TBPL1: variants seen among roughly 807,000 people sequenced by gnomAD.
TBPL1 encodes TATA box-binding protein-like 1.
TBPL1 carries 4 observed loss-of-function variants against 22.1 expected under a neutral mutation model. That is an observed-to-expected ratio of 0.18 (90% CI 0.09 to 0.41). The LOEUF is 0.41. Ranked by LOEUF, TBPL1 falls within the 10% of genes least tolerant of loss-of-function variation. The probability of loss-of-function intolerance (pLI) is 1.00; values close to 1 mark genes in which losing one functional copy is unlikely to be tolerated. For missense variants in TBPL1, 115 were observed against 222.3 expected (o/e 0.52, Z 3.07); for synonymous variants, 64 against 71.0 (o/e 0.90, Z 0.50).
intron 1 of TBPL1, among the ~76,000 whole-genome samples, chr6:133,958,127 A>G (rs560086763): frequency 6.6e-6 from 1 of 152,360 alleles, no homozygotes; most frequent in Non-Finnish European, 1.5e-5. Context: ...TTTCTTGGAA[A>G]AGGAAGGCCG....
At chr6:133,954,529 T>C (rs1322868825) in intron 1 of TBPL1, among the ~76,000 whole-genome samples, 1 of 152,238 alleles carries the variant, frequency 6.6e-6, no homozygotes, top group African/African-American at 2.4e-5. Flanking sequence ...GTTACCTCTT[T>C]AGTCTTACAT....
At chr6:133,954,439 C>T (rs1365429076) in intron 1 of TBPL1, among the ~76,000 whole-genome samples, 1 of 152,204 alleles carries the variant, frequency 6.6e-6, no homozygotes, top group Non-Finnish European at 1.5e-5. Context: ...CAGTTCCTTC[C>T]TATTGAGAAG....
intron 1 of TBPL1, among the ~76,000 whole-genome samples, chr6:133,973,536 A>T (rs72982279): frequency 6.6e-6 from 1 of 152,198 alleles, no homozygotes; most frequent in South Asian, 2.1e-4. Flanking sequence ...TTTTAAATGC[A>T]GTAGTCTTTG....
At chr6:133,983,545 G>A (rs1304166797) in intron 4 of TBPL1, among the ~76,000 whole-genome samples, 3 of 152,162 alleles carry the variant, frequency 2.0e-5, no homozygotes, top group Non-Finnish European at 2.9e-5. Flanking sequence ...GAGACTGAAC[G>A]GCTGGTGGGG....
In TBPL1 at chr6:133,986,290, A is replaced by G. The variant is rs1026730313; in HGVS notation, c.482-671A>G. 3.3e-5 allele frequency among the ~76,000 whole-genome samples: 5 copies of G among 152,170 alleles called. No homozygotes were observed. The South Asian group carries it at 6.2e-4, about 19-fold the overall frequency. On this transcript the variant is annotated intron_variant, in intron 6 of 6. Coordinates refer to ENST00000237264, the MANE Select transcript of TBPL1 (RefSeq NM_004865.4). ...CATTTTTATTCAAAATTTTATGAGA[A>G]TAGTTTTCATTGTCCTTTTTTATGT... is the stretch of plus-strand genomic sequence containing the variant.
intron 2 of TBPL1, among the ~76,000 whole-genome samples, chr6:133,981,756 C>A (rs1399960072): frequency 6.6e-6 from 1 of 152,120 alleles, no homozygotes; most frequent in Admixed American, 6.5e-5. Context: ...TTATGTTAGT[C>A]AGTGAGCATT....
chr6:133,957,450 A>G (rs1193156354), intron 1 of TBPL1, among the ~76,000 whole-genome samples: 1 of 152,220 alleles, frequency 6.6e-6, no homozygotes. Context: ...TTGTTTTTTA[A>G]CTCACTAGGT....
intron 1 of TBPL1, among the ~76,000 whole-genome samples, 180 bp downstream of exon 1, chr6:133,953,605 G>A (rs1215180099): frequency 6.6e-6 from 1 of 152,140 alleles, no homozygotes; most frequent in Non-Finnish European, 1.5e-5. Context: ...CGGTCCGGTG[G>A]CCGAGGGAGG....
intron 2 of TBPL1, among the ~76,000 whole-genome samples, chr6:133,980,603 ATATAT>A (rs937427177): frequency 2.4e-4 from 36 of 151,696 alleles, no homozygotes; most frequent in Non-Finnish European, 3.8e-4. Flanking sequence ...ATGCCTTAAT[ATATAT>A]TATAATTTTT....
At chr6:133,977,041 T>C (rs894869957) in intron 1 of TBPL1, among the ~76,000 whole-genome samples, 2 of 152,144 alleles carry the variant, frequency 1.3e-5, no homozygotes, top group African/African-American at 2.4e-5. Context: ...ATTATCCTAT[T>C]GAAAAGGGAT....
chr6:133,970,490 T>C (rs1292017951), intron 1 of TBPL1, among the ~76,000 whole-genome samples: 1 of 152,210 alleles, frequency 6.6e-6, no homozygotes, highest in Non-Finnish European at 1.5e-5. Flanking sequence ...TATTATTAAA[T>C]AAAGTCCTAA....
intron 1 of TBPL1, among the ~76,000 whole-genome samples, chr6:133,975,133 C>T (rs1371855087): frequency 2.0e-5 from 3 of 151,960 alleles, no homozygotes. Flanking sequence ...GGATCAGCTA[C>T]TGATAGTTTG....
intron 6 of TBPL1, among the ~76,000 whole-genome samples, chr6:133,985,706 T>A (rs182813494): frequency 6.6e-6 from 1 of 152,302 alleles, no homozygotes; most frequent in Non-Finnish European, 1.5e-5. Flanking sequence ...CTTTGTTTTT[T>A]CTTTCTTCAA....
intron 1 of TBPL1, among the ~76,000 whole-genome samples, chr6:133,969,274 T>A (rs1040488132): frequency 7.0e-6 from 1 of 143,126 alleles, no homozygotes; most frequent in Non-Finnish European, 1.5e-5. Context: ...TTTTTTTTTT[T>A]AGTAAATAGA....
At chr6:133,971,608 T>C (rs968748747) in intron 1 of TBPL1, among the ~76,000 whole-genome samples, 1 of 152,000 alleles carries the variant, frequency 6.6e-6, no homozygotes, top group Non-Finnish European at 1.5e-5. Context: ...TGTTGTTTGT[T>C]TTTTTATAAT....
intron 1 of TBPL1, among the ~76,000 whole-genome samples, chr6:133,965,005 C>G (rs922837335): frequency 2.0e-5 from 3 of 152,146 alleles, no homozygotes; most frequent in African/African-American, 7.2e-5. Context: ...CATTCACACC[C>G]TTGAAATAAA....
intron 1 of TBPL1, among the ~76,000 whole-genome samples, chr6:133,976,048 A>C (rs1776306963): frequency 6.6e-6 from 1 of 152,238 alleles, no homozygotes; most frequent in African/African-American, 2.4e-5. Flanking sequence ...AGTTAAAAAA[A>C]TCATGTATAA....
At chr6:133,970,161 ACT>A (rs1481328520) in intron 1 of TBPL1, among the ~76,000 whole-genome samples, 1 of 151,896 alleles carries the variant, frequency 6.6e-6, no homozygotes, top group East Asian at 1.9e-4. Flanking sequence ...ACCTCAATTG[ACT>A]CTGTCAATTT....
At chr6:133,959,071 A>T (rs1193063018) in intron 1 of TBPL1, among the ~76,000 whole-genome samples, 1 of 151,774 alleles carries the variant, frequency 6.6e-6, no homozygotes, top group African/African-American at 2.4e-5. Flanking sequence ...ACAGAGTCTC[A>T]CTCTGTCACC....
Sources: gnomAD v4.1 joint callset for allele counts (sites outside exome capture counted in the v4.1 genomes callset) on GRCh38, gnomAD v4.1.1 for gene constraint, MANE v1.5 for transcripts, NCBI Gene and HGNC (gene_info 2026-07-23, HGNC 2026-07-21) for gene names.